RIPOR2: variants seen among roughly 807,000 people sequenced by gnomAD.
RIPOR2 encodes the protein RHO family interacting cell polarization regulator 2.
In RIPOR2, 39 loss-of-function variants were observed where a neutral mutation model predicts 114.5. The ratio of observed to expected loss-of-function variants is 0.34; its 90% CI spans 0.26 to 0.44. RIPOR2 has a LOEUF of 0.44. Ranked by LOEUF, RIPOR2 falls within the 20% of genes least tolerant of loss-of-function variation. RIPOR2 has a pLI of 1.00. For missense variants in RIPOR2, 1,007 were observed against 1,255.1 expected (o/e 0.80, Z 2.99); for synonymous variants, 445 against 484.4 (o/e 0.92, Z 1.07).
In RIPOR2 at chr6:24,849,025, C is replaced by T. The variant is rs541824156; in HGVS notation, c.1034+777G>A. Among the ~76,000 whole-genome samples, 10 of 152,290 alleles carry T rather than the reference C, an allele frequency of 6.6e-5. No homozygotes were observed. The South Asian group carries it at 1.9e-3, about 28-fold the overall frequency. On this transcript the variant is annotated intron_variant, in intron 11 of 21. Coordinates refer to ENST00000643898, the MANE Select transcript of RIPOR2 (RefSeq NM_001286445.3). The stretch of plus-strand genomic sequence containing the variant: ...ATTCAAGTGATTCTCTTGCCTTAGC[C>T]TCCCGAGTAGCTGGCATTACAGGTG...
At chr6:24,936,157 G>A (rs1771794344), upstream of RIPOR2, 5 of 410,904 alleles carry the variant, frequency 1.2e-5, no homozygotes, top group African/African-American at 2.1e-5. Context: ...GGTTGGATAT[G>A]AATACAGATA....
At chr6:24,979,402 C>G (rs1174012346) in intron 1 of RIPOR2, among the ~76,000 whole-genome samples, 1 of 151,542 alleles carries the variant, frequency 6.6e-6, no homozygotes, top group Non-Finnish European at 1.5e-5. Flanking sequence ...CACCCTCTTC[C>G]AAGTCATCCC....
chr6:24,897,376 G>C (rs1289803215), intron 1 of RIPOR2, among the ~76,000 whole-genome samples: 1 of 152,218 alleles, frequency 6.6e-6, no homozygotes, highest in African/African-American at 2.4e-5. Context: ...TGTTCAGACT[G>C]GGGTATTCAG....
chr6:24,850,790 C>T (rs1460189630), intron 9 of RIPOR2, 68 bp from the exon 10 acceptor site: 9 of 1,582,336 alleles, frequency 5.7e-6, no homozygotes, highest in Non-Finnish European at 7.8e-6. Flanking sequence ...ACACCAAGAT[C>T]AAAAGGAGAA....
intron 1 of RIPOR2, among the ~76,000 whole-genome samples, chr6:25,013,769 T>C (rs1303221793): frequency 6.6e-6 from 1 of 152,146 alleles, no homozygotes; most frequent in African/African-American, 2.4e-5. Context: ...AAAGTGAGTG[T>C]TGAAATGGTG....
intron 1 of RIPOR2, among the ~76,000 whole-genome samples, chr6:24,927,066 C>G (rs1338655182): frequency 0.098 from 24 of 244 alleles, no homozygotes; most frequent in East Asian, 0.5. Flanking sequence ...ACCACCACCA[C>G]CACCACCACA....
At chr6:24,933,980 C>T (rs960122768) in intron 1 of RIPOR2, among the ~76,000 whole-genome samples, 19 of 152,278 alleles carry the variant, frequency 1.2e-4, no homozygotes, top group African/African-American at 3.9e-4. Context: ...TTGGTCTTAA[C>T]GCTTCCCTTC....
At chr6:24,810,376 C>T (rs1781064491) in intron 20 of RIPOR2, among the ~76,000 whole-genome samples, 2 of 152,180 alleles carry the variant, frequency 1.3e-5, no homozygotes, top group South Asian at 2.1e-4. Flanking sequence ...TTCCCTGGTT[C>T]TTTCCACTGA....
chr6:24,993,831 C>T (rs1055435948), intron 1 of RIPOR2, among the ~76,000 whole-genome samples: 5 of 152,242 alleles, frequency 3.3e-5, no homozygotes, highest in African/African-American at 1.2e-4. Flanking sequence ...TGAACAGTCT[C>T]ACAAATTGCA....
rs1367822304 is a variant in RIPOR2, at chr6:24,984,679, G to GC, written c.76+57171dup. 2.7e-5 allele frequency among the ~76,000 whole-genome samples: 4 copies of GC among 150,922 alleles called. No homozygotes were observed. In the East Asian group the frequency reaches 7.8e-4, roughly 29 times the overall value. On this transcript the variant is annotated intron_variant, in intron 1 of 13. Transcript: ENST00000510784. ...AAAAAAAACCTAAAAAATAAATAAAGCACTTGGCATTGTATCTGGCCCCAC... is the reference window on the plus strand; with the variant it reads ...AAAAAAAACCTAAAAAATAAATAAAGCCACTTGGCATTGTATCTGGCCCCAC...
At chr6:24,974,556 T>G (rs1414801977) in intron 1 of RIPOR2, among the ~76,000 whole-genome samples, 1 of 152,158 alleles carries the variant, frequency 6.6e-6, no homozygotes, top group Non-Finnish European at 1.5e-5. Context: ...CCCCTATACA[T>G]TGCTGGTGGG....
rs560932378 is a variant in RIPOR2 at position 24,961,055 on chromosome 6, C to A, written c.76+80796G>T. 2.6e-5 allele frequency among the ~76,000 whole-genome samples: 4 copies of A among 152,292 alleles called. No individual in the cohort carries two copies. The South Asian group carries it at 8.3e-4, about 32-fold the overall frequency. Reference sequence around the variant, plus strand: ...GGAGAGTCGGCTCTGGGCAAGGTGCCATGCTGGACCCCGCTGAGAACACAA... The same window carrying A: ...GGAGAGTCGGCTCTGGGCAAGGTGCAATGCTGGACCCCGCTGAGAACACAA... On this transcript the variant is annotated intron_variant, in intron 1 of 13. Transcript: ENST00000510784.
chr6:24,895,387 A>G (rs1767762797), intron 1 of RIPOR2, among the ~76,000 whole-genome samples: 1 of 151,914 alleles, frequency 6.6e-6, no homozygotes, highest in Admixed American at 6.6e-5. Flanking sequence ...CCCAAGCCTC[A>G]TTCCCAGAGA....
intron 8 of RIPOR2, among the ~76,000 whole-genome samples, chr6:24,855,781 T>A (rs757310006): frequency 6.6e-6 from 1 of 152,212 alleles, no homozygotes; most frequent in Non-Finnish European, 1.5e-5. Flanking sequence ...ACACCTGTGA[T>A]CCTGTGCTCT....
intron 1 of RIPOR2, among the ~76,000 whole-genome samples, chr6:24,948,930 G>C (rs568242339): frequency 1.3e-5 from 2 of 152,138 alleles, no homozygotes; most frequent in African/African-American, 2.4e-5. Flanking sequence ...CTGAGGCACT[G>C]GTTCTGGCCC....
intron 12 of RIPOR2, among the ~76,000 whole-genome samples, chr6:24,846,300 C>CTTTTTTTTTTTT: frequency 9.0e-6 from 1 of 111,320 alleles, no homozygotes. Flanking sequence ...TTTTCACCTG[C>CTTTTTTTTTTTT]CTTTTTTTTT....
chr6:24,895,915 C>T (rs1490063943), intron 1 of RIPOR2, among the ~76,000 whole-genome samples: 3 of 152,072 alleles, frequency 2.0e-5, no homozygotes, highest in Non-Finnish European at 4.4e-5. Context: ...GGCGTGAACC[C>T]GGGAGGCGGA....
At chr6:25,029,411 GAAA>G (rs71544610) in intron 1 of RIPOR2, among the ~76,000 whole-genome samples, 20 of 90,612 alleles carry the variant, frequency 2.2e-4, no homozygotes, top group East Asian at 4.0e-4. Context: ...TCTCAAAAAA[GAAA>G]AAAAAAAAAA....
At chr6:24,933,146 G>C in intron 1 of RIPOR2, among the ~76,000 whole-genome samples, 1 of 152,182 alleles carries the variant, frequency 6.6e-6, no homozygotes, top group Non-Finnish European at 1.5e-5. Context: ...CTGAAGTTCT[G>C]TAAATAAGTC....
Sources: gnomAD v4.1 joint callset for allele counts (sites outside exome capture counted in the v4.1 genomes callset) on GRCh38, gnomAD v4.1.1 for gene constraint, MANE v1.5 for transcripts, NCBI Gene and HGNC (gene_info 2026-07-23, HGNC 2026-07-21) for gene names.